Variants in ZCWPW1 observed in about 807,000 individuals in gnomAD.
The protein encoded by ZCWPW1 is zinc finger CW-type and PWWP domain containing 1, also known as zinc finger CW-type PWWP domain protein 1.
In ZCWPW1, 56 loss-of-function variants were observed where a neutral mutation model predicts 81.3. The ratio of observed to expected loss-of-function variants is 0.69; its 90% CI spans 0.56 to 0.86. ZCWPW1 has a LOEUF of 0.86. ZCWPW1 is among the 40% of genes least tolerant of loss of function. The pLI is 0.00. For synonymous variants in ZCWPW1, 250 were observed against 273.7 expected (o/e 0.91, Z 0.86); for missense variants, 650 against 769.8 (o/e 0.84, Z 1.84).
Position 100,409,465 on chromosome 7 carries a change from TG to T in ZCWPW1, c.833del (p.Ser278Ter), listed in dbSNP as rs773853283. The T allele has an allele frequency of 2.5e-6, 4 of 1,614,152 alleles. No homozygotes were observed. The Admixed American group carries it at 5.0e-5, about 20-fold the overall frequency. On this transcript the variant is annotated frameshift_variant, in exon 9 of 18. Coordinates refer to ENST00000684423, the MANE Select transcript of ZCWPW1 (RefSeq NM_001386010.1). LOFTEE classifies it high-confidence loss of function. ...WRRLCGNIDP[S>X]VLPDNWSCDQ... ...CACAGGACCAATTATCTGGGAGAAC[TG>T]AGGGGTCAATGTTCCCACACAGCCG... is the stretch of plus-strand genomic sequence containing the variant.
chr7:100,420,197 A>C (rs1041127923), intron 3 of ZCWPW1, among the ~76,000 whole-genome samples: 1 of 152,248 alleles, frequency 6.6e-6, no homozygotes, highest in Non-Finnish European at 1.5e-5. Flanking sequence ...GTGAAACTGT[A>C]TAATTTGCTC....
chr7:100,405,519 CTACAG>C (rs1281177151), intron 12 of ZCWPW1, among the ~76,000 whole-genome samples: 1 of 152,190 alleles, frequency 6.6e-6, no homozygotes, highest in East Asian at 1.9e-4. Context: ...TTCTCTTCGA[CTACAG>C]TATTTATTTC....
chr7:100,411,091 T>C (rs886872858), intron 8 of ZCWPW1, among the ~76,000 whole-genome samples: 1 of 152,168 alleles, frequency 6.6e-6, no homozygotes, highest in Admixed American at 6.5e-5. Context: ...CACTATTTAT[T>C]TATCAACCAA....
At chr7:100,413,839 C>T (rs1794681825) in intron 8 of ZCWPW1, among the ~76,000 whole-genome samples, 1 of 152,110 alleles carries the variant, frequency 6.6e-6, no homozygotes. Context: ...CTGCCTCAGC[C>T]TCCCAAAGTG....
intron 1 of ZCWPW1, among the ~76,000 whole-genome samples, chr7:100,426,143 C>T (rs1049579074): frequency 6.6e-6 from 1 of 152,168 alleles, no homozygotes; most frequent in African/African-American, 2.4e-5. Context: ...GAGAAGTAAA[C>T]CCTTTAGCAT....
chr7:100,413,727 T>C (rs1452653511), intron 8 of ZCWPW1, among the ~76,000 whole-genome samples: 6 of 152,210 alleles, frequency 3.9e-5, no homozygotes, highest in Admixed American at 3.9e-4. Context: ...AGTAATTCTT[T>C]TTTTTCCATT....
rs1193359338 is a variant in ZCWPW1 at position 100,405,102 on chromosome 7, G to A, written c.1174-9C>T. ...TCATTTCTGCGCTTTTTCTGAAATA[G>A]AAGATTAGAGCCAATGATAAATATT... On this transcript the variant is annotated splice_polypyrimidine_tract_variant and intron_variant, in intron 12 of 17. Coordinates refer to ENST00000684423, the MANE Select transcript of ZCWPW1 (RefSeq NM_001386010.1). 1 of 1,610,730 alleles carries A rather than the reference G, an allele frequency of 6.2e-7. No individual in the cohort carries two copies. The highest frequency in any genetic ancestry group is 8.5e-7 in the Non-Finnish European group (1 of 1,178,626).
intron 8 of ZCWPW1, among the ~76,000 whole-genome samples, chr7:100,413,712 C>T (rs961341052): frequency 1.3e-5 from 2 of 152,172 alleles, no homozygotes; most frequent in African/African-American, 2.4e-5. Flanking sequence ...AGATCTAGTC[C>T]ATGCAGTAAT....
chr7:100,405,130 CTTAAAGA>C (rs1792720242), intron 12 of ZCWPW1, 37 bp from the exon 13 acceptor site: 1 of 1,599,274 alleles, frequency 6.3e-7, no homozygotes, highest in Non-Finnish European at 8.5e-7. Context: ...TAAATATTGA[CTTAAAGA>C]TTAGAGTCAT....
At chr7:100,404,866 G>C in intron 13 of ZCWPW1, 147 bp downstream of exon 13, 1 of 634,346 alleles carries the variant, frequency 1.6e-6, no homozygotes, top group Non-Finnish European at 2.5e-6. Flanking sequence ...ACAGAAAAGA[G>C]AGGTTAGGGC....
At chr7:100,403,671 A>G (rs1215867320) in intron 15 of ZCWPW1, 23 bp downstream of exon 15, 3 of 1,579,234 alleles carry the variant, frequency 1.9e-6, no homozygotes, top group African/African-American at 1.4e-5. Flanking sequence ...AAAAATAAAA[A>G]CTGAAATTAA....
intron 5 of ZCWPW1, chr7:100,417,442 G>C (rs1264790341): frequency 1.0e-5 from 4 of 395,224 alleles, no homozygotes; most frequent in Non-Finnish European, 1.4e-5. Context: ...TATAGGCCAG[G>C]CATGGTGGCT....
chr7:100,419,619 AT>A lies in ZCWPW1; in HGVS notation c.282+10del. On this transcript the variant is annotated intron_variant, in intron 4 of 17. Coordinates refer to ENST00000684423, the MANE Select transcript of ZCWPW1 (RefSeq NM_001386010.1). ...AAATCTCCTACCAGAGCCCACCACT[AT>A]GACTGGTACCTTTTCTTTCTTCTCT... 6.2e-7 allele frequency: 1 copy of A among 1,604,570 alleles called. No homozygotes were observed. The highest frequency in any genetic ancestry group is 8.5e-7 in the Non-Finnish European group (1 of 1,176,536).
intron 3 of ZCWPW1, 41 bp downstream of exon 3, chr7:100,420,581 A>G: frequency 1.2e-6 from 2 of 1,613,252 alleles, no homozygotes; most frequent in Non-Finnish European, 1.7e-6. Flanking sequence ...GAGAAAAATG[A>G]GAGAAATGTA....
In ZCWPW1 at chr7:100,401,901, A is replaced by C; in HGVS notation, c.1615T>G (p.Ser539Ala). The change falls in exon 17 of 18, where the codon TCT (serine) becomes GCT (alanine). Residue 539 changes from serine to alanine, a missense_variant. Transcript: ENST00000684423. ...CCTTGAGCCTTACCTGGCTGGTCAGAATCTGAATTCCCTTGGCCTTCTTTC... is the reference window on the plus strand; with the variant it reads ...CCTTGAGCCTTACCTGGCTGGTCAGCATCTGAATTCCCTTGGCCTTCTTTC... Reference protein sequence around the residue: ...GRKEGQGNSDSDQPGPKKKFK... With the variant: ...GRKEGQGNSDADQPGPKKKFK... The C allele has an allele frequency of 6.2e-7, 1 of 1,612,990 alleles. No individual in the cohort carries two copies. Among genetic ancestry groups the C allele is most frequent in the Non-Finnish European group, 8.5e-7 (1 of 1,179,384 alleles).
chr7:100,411,884 C>T (rs1794242016), intron 8 of ZCWPW1, among the ~76,000 whole-genome samples: 1 of 152,020 alleles, frequency 6.6e-6, no homozygotes, highest in Non-Finnish European at 1.5e-5. Context: ...TTCAAGTAAC[C>T]TAAAGGAGAA....
chr7:100,418,960 T>G (rs1035301683), intron 5 of ZCWPW1, 151 bp downstream of exon 5: 1 of 592,154 alleles, frequency 1.7e-6, no homozygotes, highest in African/African-American at 1.9e-5. Flanking sequence ...TGACAGATGA[T>G]GAAGTATTTT....
intron 10 of ZCWPW1, among the ~76,000 whole-genome samples, chr7:100,407,743 C>T (rs1308890927): frequency 2.0e-5 from 3 of 152,050 alleles, no homozygotes; most frequent in African/African-American, 7.2e-5. Flanking sequence ...CCCCTTCCAT[C>T]ATCCCCCTCT....
chr7:100,428,073 T>C (rs952896386), intron 1 of ZCWPW1, among the ~76,000 whole-genome samples: 30 of 152,154 alleles, frequency 2.0e-4, no homozygotes, highest in African/African-American at 7.2e-4. Context: ...GTTGTCGCCC[T>C]GAGAAAGTTT....
Sources: allele counts gnomAD v4.1 joint callset (sites outside exome capture counted in the v4.1 genomes callset), GRCh38; gene constraint gnomAD v4.1.1; transcripts MANE v1.5; gene names NCBI Gene and HGNC (gene_info 2026-07-23, HGNC 2026-07-21).